The following CLDN10 variants were observed in gnomAD, a reference collection of about 807,000 sequenced individuals.
The protein encoded by CLDN10 is claudin-10.
CLDN10 carries 15 observed loss-of-function variants against 22.9 expected under a neutral mutation model. That is an observed-to-expected ratio of 0.65 (90% CI 0.44 to 1.01). CLDN10 has a LOEUF of 1.01. Ranked by LOEUF, CLDN10 falls within the 50% of genes least tolerant of loss-of-function variation. The pLI, the probability that CLDN10 is intolerant of heterozygous loss-of-function variation, is 0.00. For missense variants in CLDN10, 247 were observed against 287.8 expected (o/e 0.86, Z 1.03); for synonymous variants, 114 against 111.4 (o/e 1.02, Z -0.15).
At chr13:95,527,905 C>T (rs919687146) in intron 1 of CLDN10, among the ~76,000 whole-genome samples, 1 of 152,012 alleles carries the variant, frequency 6.6e-6, no homozygotes, top group Non-Finnish European at 1.5e-5. Flanking sequence ...TTTTGCTATT[C>T]GACTGCTATC....
upstream of CLDN10, among the ~76,000 whole-genome samples, chr13:95,547,757 C>A (rs993647377): frequency 6.6e-6 from 1 of 152,214 alleles, no homozygotes; most frequent in Non-Finnish European, 1.5e-5. Context: ...AGTACCATGC[C>A]TTATCACATT....
intron 1 of CLDN10, among the ~76,000 whole-genome samples, chr13:95,499,689 G>C (rs925179574): frequency 3.9e-5 from 6 of 152,224 alleles, no homozygotes; most frequent in Admixed American, 2.0e-4. Flanking sequence ...GAAGGCCTGA[G>C]AGTCTGGGAG....
Position 95,536,729 on chromosome 13 carries a change from C to G in CLDN10, c.215-23403C>G, listed in dbSNP as rs368508415. ...ATACTGGCTTTGCAATGTCCTCACA[C>G]CTGTTCTTTCTCGTCCTTTCCCACG... On this transcript the variant is annotated intron_variant, in intron 1 of 4. Coordinates refer to the CLDN10 transcript ENST00000376873. 9.8e-5 allele frequency among the ~76,000 whole-genome samples: 15 copies of G among 152,310 alleles called. No homozygotes were observed. The South Asian group carries it at 2.9e-3, about 29-fold the overall frequency.
intron 1 of CLDN10, among the ~76,000 whole-genome samples, chr13:95,503,158 A>T (rs2043003636): frequency 6.6e-6 from 1 of 152,210 alleles, no homozygotes; most frequent in Non-Finnish European, 1.5e-5. Context: ...GATATTTAAT[A>T]TATAGCTAAA....
At chr13:95,458,748 C>T (rs1371191831) in intron 1 of CLDN10, among the ~76,000 whole-genome samples, 2 of 152,144 alleles carry the variant, frequency 1.3e-5, no homozygotes, top group African/African-American at 2.4e-5. Flanking sequence ...TCTGCCCCAG[C>T]CCCTCCCAAA....
chr13:95,492,711 A>G (rs1318563194), intron 1 of CLDN10, among the ~76,000 whole-genome samples: 4 of 152,044 alleles, frequency 2.6e-5, no homozygotes, highest in Non-Finnish European at 4.4e-5. Context: ...AAATTGTTAT[A>G]AAGTTCAGCT....
At chr13:95,433,904 C>T (rs768312342) in exon 1 of CLDN10, 8 of 1,614,192 alleles carry the variant, frequency 5.0e-6, no homozygotes, top group South Asian at 1.1e-5. Context: ...GCTGCTACCA[C>T]GTCCAATGAG....
At chr13:95,511,996 C>G (rs926671401) in intron 1 of CLDN10, among the ~76,000 whole-genome samples, 10 of 131,974 alleles carry the variant, frequency 7.6e-5, no homozygotes, top group South Asian at 4.9e-4. Context: ...CTATCCCCCC[C>G]CTCTCCCCCC....
Position 95,515,302 on chromosome 13 carries a change from G to A in CLDN10, c.215-44830G>A, listed in dbSNP as rs147462502. On this transcript the variant is annotated intron_variant, in intron 1 of 4. Coordinates refer to the CLDN10 transcript ENST00000376873. ...CAACCTCCACTTCCTGGGTTCAAGC[G>A]ATTCTCATGCCTCAGACTCCTGAGC... Among the ~76,000 whole-genome samples the A allele has an allele frequency of 7.2e-4, 110 of 152,204 alleles. 1 individual carries two copies. Among genetic ancestry groups the A allele is most frequent in the African/African-American group, 2.6e-3 (110 of 41,538 alleles).
chr13:95,562,789 A>T (rs1439707057), intron 3 of CLDN10, among the ~76,000 whole-genome samples: 1 of 152,214 alleles, frequency 6.6e-6, no homozygotes, highest in Non-Finnish European at 1.5e-5. Flanking sequence ...GACAATTATT[A>T]AGGATATCTT....
chr13:95,495,743 C>CAAAAAAAAAAAAAAAAAAAAAAAAA (rs71722865), intron 1 of CLDN10, among the ~76,000 whole-genome samples: 2 of 85,718 alleles, frequency 2.3e-5, no homozygotes, highest in Non-Finnish European at 4.5e-5. Context: ...GACTCCACCT[C>CAAAAAAAAAAAAAAAAAAAAAAAAA]AAAAAAAAAA....
chr13:95,445,404 C>T (rs931068098), intron 1 of CLDN10, among the ~76,000 whole-genome samples: 9 of 152,184 alleles, frequency 5.9e-5, no homozygotes, highest in Non-Finnish European at 1.3e-4. Flanking sequence ...CAGAGAATAC[C>T]CATGGGGCTT....
chr13:95,516,830 C>T (rs1366505228), intron 1 of CLDN10, among the ~76,000 whole-genome samples: 4 of 152,048 alleles, frequency 2.6e-5, no homozygotes, highest in Non-Finnish European at 5.9e-5. Flanking sequence ...GCTCTATAAA[C>T]CAAAAATTTA....
In CLDN10 at chr13:95,524,822, T is replaced by C. The variant is rs371115917; in HGVS notation, c.215-35310T>C. Among the ~76,000 whole-genome samples the C allele has an allele frequency of 3.9e-5, 6 of 151,976 alleles. No individual in the cohort carries two copies. The East Asian group carries it at 9.7e-4, about 24-fold the overall frequency. On this transcript the variant is annotated intron_variant, in intron 1 of 4. Coordinates refer to the CLDN10 transcript ENST00000376873. ...TTCTCCAAGCTCTCACCAACATTTGTTATTTTGTACTCTTTTATTTTTTAT... is the reference window on the plus strand; with the variant it reads ...TTCTCCAAGCTCTCACCAACATTTGCTATTTTGTACTCTTTTATTTTTTAT...
chr13:95,471,029 G>A (rs2042626069), intron 1 of CLDN10, among the ~76,000 whole-genome samples: 1 of 152,156 alleles, frequency 6.6e-6, no homozygotes, highest in Non-Finnish European at 1.5e-5. Flanking sequence ...CGAGAAAGGA[G>A]AGGTTACAGG....
At chr13:95,514,070 C>T (rs2043135620) in intron 1 of CLDN10, among the ~76,000 whole-genome samples, 1 of 152,044 alleles carries the variant, frequency 6.6e-6, no homozygotes, top group African/African-American at 2.4e-5. Flanking sequence ...CCAGCCTGGG[C>T]AACACAGAGA....
At chr13:95,504,362 T>C (rs1013667014) in intron 1 of CLDN10, among the ~76,000 whole-genome samples, 1 of 152,146 alleles carries the variant, frequency 6.6e-6, no homozygotes, top group African/African-American at 2.4e-5. Flanking sequence ...CATTTACATA[T>C]TCCTTAATTT....
chr13:95,544,387 C>T (rs1280890776), intron 1 of CLDN10, among the ~76,000 whole-genome samples: 9 of 152,124 alleles, frequency 5.9e-5, no homozygotes, highest in African/African-American at 1.4e-4. Flanking sequence ...ATGAATTGTA[C>T]GGTGGGAGGC....
chr13:95,561,267 G>T (rs532911650), intron 3 of CLDN10, among the ~76,000 whole-genome samples: 5 of 152,214 alleles, frequency 3.3e-5, no homozygotes, highest in Non-Finnish European at 7.4e-5. Flanking sequence ...TAGACTTCAG[G>T]TCAAATTTTA....
Sources: gnomAD v4.1 joint callset for allele counts (sites outside exome capture counted in the v4.1 genomes callset) on GRCh38, gnomAD v4.1.1 for gene constraint, MANE v1.5 for transcripts, NCBI Gene and HGNC (gene_info 2026-07-23, HGNC 2026-07-21) for gene names.